ABHD2: variants seen among roughly 807,000 people sequenced by gnomAD.
The protein encoded by ABHD2 is abhydrolase domain containing 2, acylglycerol lipase.
A neutral mutation model predicts 48.1 loss-of-function variants in ABHD2; 20 were observed. The ratio of observed to expected loss-of-function variants is 0.42; its 90% CI spans 0.29 to 0.60. The LOEUF is 0.60. Among genes scored for constraint, ABHD2 ranks in the 20% least tolerant of loss-of-function variants. The probability of loss-of-function intolerance (pLI) is 0.24; values close to 1 mark genes in which losing one functional copy is unlikely to be tolerated. For missense variants in ABHD2, 405 were observed against 550.9 expected, an observed-to-expected ratio of 0.74 and a Z score of 2.65; for synonymous variants, 209 against 214.2, an observed-to-expected ratio of 0.98 and a Z score of 0.21.
chr15:89,201,221 C>A lies in ABHD2; in HGVS notation c.*5798C>A. On this transcript the variant is annotated 3_prime_UTR_variant, in exon 11 of 11. Coordinates refer to ENST00000352732, the MANE Select transcript of ABHD2 (RefSeq NM_152924.5). Reference sequence around the variant, plus strand: ...ATATGCTACCTTTCTGAGCCTTAAACCTTCATCTCTCAGGTGTTGATTTGC... The same window carrying A: ...ATATGCTACCTTTCTGAGCCTTAAAACTTCATCTCTCAGGTGTTGATTTGC... 1.4e-6 allele frequency: 2 copies of A among 1,458,076 alleles called. No individual in the cohort carries two copies. Among genetic ancestry groups the A allele is most frequent in the South Asian group, 1.2e-5 (1 of 86,334 alleles). 90.3% of individuals were successfully genotyped at this position (1,458,076 alleles called of 1,614,324 possible). A position where few individuals can be genotyped will look rare whatever the true frequency, so the allele number is the denominator to read the frequency against.
At chr15:89,064,219 C>CTTTTT in the ABHD2 span, among the ~76,000 whole-genome samples, 3 of 119,594 alleles carry the variant, frequency 2.5e-5, no homozygotes, top group African/African-American at 6.5e-5. Context: ...ACATTGTGTC[C>CTTTTT]TTTTTTTTTT....
rs2050033345 is a variant in ABHD2 at position 89,120,551 on chromosome 15, A to C, written c.194+4030A>C. Among the ~76,000 whole-genome samples, 1 of 152,092 alleles carries C rather than the reference A, an allele frequency of 6.6e-6. No individual in the cohort carries two copies. ...CTGGAGTACAGTGGCGCAATCTCAA[A>C]TCTCGGTTCACTGCAACTTCTGCCT... On this transcript the variant is annotated intron_variant, in intron 3 of 10. Transcript: ENST00000352732. The surrounding 1 kb of genome is among the most constrained non-coding windows in gnomAD (Gnocchi z 4.2).
Position 89,201,932 on chromosome 15 carries a change from G to T in ABHD2, c.*6509G>T. 1 of 530,596 alleles carries T rather than the reference G, an allele frequency of 1.9e-6. No homozygotes were observed. Among genetic ancestry groups the T allele is most frequent in the South Asian group, 2.5e-5 (1 of 39,392 alleles). The allele number at this position is 530,596 out of a possible 1,614,324, so 32.9% of individuals were successfully genotyped here. A position where few individuals can be genotyped will look rare whatever the true frequency, so the allele number is the denominator to read the frequency against. On this transcript the variant is annotated 3_prime_UTR_variant, in exon 11 of 11. Coordinates refer to ENST00000352732, the MANE Select transcript of ABHD2 (RefSeq NM_152924.5). ...CTCTGTTCAACCACATTCTTATGTT[G>T]GCAGATCTGCTTCCAGATTGATTTT...
In ABHD2 at chr15:89,137,440, G is replaced by A. The variant is rs1476085855; in HGVS notation, c.195-14237G>A. On this transcript the variant is annotated intron_variant, in intron 3 of 10. Transcript: ENST00000352732. This position sits in a 1 kb window ranked among gnomAD's most constrained non-coding sequence, Gnocchi z 4.8. ...AAGTGGTTTTATTGTAACTCATGGGGCTGTTCTCCTAACATTCATATTTTA... is the reference window on the plus strand; with the variant it reads ...AAGTGGTTTTATTGTAACTCATGGGACTGTTCTCCTAACATTCATATTTTA... 6.6e-6 allele frequency among the ~76,000 whole-genome samples: 1 copy of A among 152,182 alleles called. No individual in the cohort carries two copies. Among genetic ancestry groups the A allele is most frequent in the Non-Finnish European group, 1.5e-5 (1 of 68,032 alleles).
intron 3 of ABHD2, among the ~76,000 whole-genome samples, chr15:89,141,032 G>T (rs554612290): frequency 3.3e-5 from 5 of 151,814 alleles, no homozygotes; most frequent in South Asian, 2.1e-4. Flanking sequence ...GCAGTGGCCC[G>T]ATCATAACTC....
At chr15:89,128,760 T>G (rs1425238432) in intron 3 of ABHD2, among the ~76,000 whole-genome samples, 1 of 152,098 alleles carries the variant, frequency 6.6e-6, no homozygotes, top group South Asian at 2.1e-4. Flanking sequence ...GAGAGCTGTT[T>G]GATTGTAGCA....
the ABHD2 span, among the ~76,000 whole-genome samples, chr15:89,046,325 C>T: frequency 3.3e-5 from 5 of 152,200 alleles, no homozygotes; most frequent in East Asian, 1.9e-4. Flanking sequence ...ATTTTTGCAT[C>T]GATGTTCATC....
intron 1 of ABHD2, among the ~76,000 whole-genome samples, chr15:89,101,464 T>C (rs1448050608): frequency 6.6e-6 from 1 of 152,254 alleles, no homozygotes; most frequent in Non-Finnish European, 1.5e-5. Flanking sequence ...TGTAATAATC[T>C]GGTAAGAAAC....
chr15:89,053,566 G>A, the ABHD2 span, among the ~76,000 whole-genome samples: 1,035 of 152,282 alleles, frequency 6.8e-3, 19 homozygotes, highest in African/African-American at 0.023. Flanking sequence ...TGTTTCTTGG[G>A]GGATTTGAAG....
At chr15:89,172,592 T>C (rs956482937) in intron 5 of ABHD2, among the ~76,000 whole-genome samples, 2 of 152,238 alleles carry the variant, frequency 1.3e-5, no homozygotes, top group Non-Finnish European at 2.9e-5. Context: ...ATGGGTATAC[T>C]TACATATTTT....
the ABHD2 span, among the ~76,000 whole-genome samples, chr15:89,068,032 C>T: frequency 6.6e-6 from 1 of 152,308 alleles, no homozygotes; most frequent in Admixed American, 6.5e-5. Context: ...ATTTCTTTCT[C>T]AAAGACCAAA....
chr15:89,048,852 C>T, the ABHD2 span, among the ~76,000 whole-genome samples: 1 of 150,260 alleles, frequency 6.7e-6, no homozygotes, highest in Non-Finnish European at 1.5e-5. Flanking sequence ...AATGTCCTCC[C>T]GTAGCTCGGA....
At position 89,088,831 on chromosome 15, in the gene ABHD2, C is replaced by G. The variant is rs1901470909; in HGVS notation, c.-107+268C>G. 6.6e-6 allele frequency among the ~76,000 whole-genome samples: 1 copy of G among 152,232 alleles called. No individual in the cohort carries two copies. The highest frequency in any genetic ancestry group is 1.5e-5 in the Non-Finnish European group (1 of 68,038). ...GAGGAACCGAGGTTGGGGACAACCC[C>G]GACCGCGGCCTTTCCCCCATTGGTG... is the stretch of plus-strand genomic sequence containing the variant. On this transcript the variant is annotated intron_variant, in intron 1 of 10. Coordinates refer to ENST00000352732, the MANE Select transcript of ABHD2 (RefSeq NM_152924.5). The surrounding 1 kb of genome is among the most constrained non-coding windows in gnomAD (Gnocchi z 6.8).
chr15:89,134,910 A>G (rs896466314), intron 3 of ABHD2, among the ~76,000 whole-genome samples: 5 of 152,146 alleles, frequency 3.3e-5, no homozygotes, highest in African/African-American at 1.2e-4. Context: ...CATAATTTTC[A>G]TTAAATATTT....
chr15:89,062,553 A>G, the ABHD2 span, among the ~76,000 whole-genome samples: 1 of 151,814 alleles, frequency 6.6e-6, no homozygotes, highest in African/African-American at 2.4e-5. Context: ...CACCACACCT[A>G]AGTTTTGTAA....
chr15:89,136,379 T>C lies in ABHD2; in HGVS notation c.195-15298T>C, dbSNP rs1261657891. The C allele has an allele frequency of 1.2e-5, 6 of 519,816 alleles. No individual in the cohort carries two copies. In the East Asian group the frequency reaches 1.5e-4, roughly 13 times the overall value. 32.2% of individuals were successfully genotyped at this position (519,816 alleles called of 1,614,324 possible). A position where few individuals can be genotyped will look rare whatever the true frequency, so the allele number is the denominator to read the frequency against. ...TCTCTGAGCACTTCTTAGAAAACTC[T>C]GAGGAGTTGACTGAAGCATCTGGAT... On this transcript the variant is annotated intron_variant, in intron 3 of 10. Transcript: ENST00000352732.
the ABHD2 span, among the ~76,000 whole-genome samples, chr15:89,074,322 G>A: frequency 6.6e-6 from 1 of 151,838 alleles, no homozygotes; most frequent in Admixed American, 6.6e-5. Flanking sequence ...GTTGCAGTGA[G>A]CAGAGATCAT....
the ABHD2 span, among the ~76,000 whole-genome samples, chr15:89,044,002 A>G: frequency 6.6e-6 from 1 of 151,994 alleles, no homozygotes; most frequent in Non-Finnish European, 1.5e-5. Flanking sequence ...TGCTGCACCC[A>G]CTAACTCGTC....
At chr15:89,193,113 C>A in intron 9 of ABHD2, 122 bp from the exon 10 acceptor site, 1 of 866,000 alleles carries the variant, frequency 1.2e-6, no homozygotes. Flanking sequence ...GTTCAGCAAG[C>A]TGAGCTGTGA....
Sources: gnomAD v4.1 joint callset for allele counts (sites outside exome capture counted in the v4.1 genomes callset) on GRCh38, gnomAD v4.1.1 for gene constraint, Gnocchi (gnomAD v3.1) non-coding constraint, MANE v1.5 for transcripts, NCBI Gene and HGNC (gene_info 2026-07-23, HGNC 2026-07-21) for gene names.